Variants in BMERB1 observed in about 807,000 individuals in gnomAD.
BMERB1 encodes bMERB domain-containing protein 1.
In BMERB1, 12 loss-of-function variants were observed where a neutral mutation model predicts 23.6. The ratio of observed to expected loss-of-function variants is 0.51; its 90% CI spans 0.33 to 0.82. The LOEUF is 0.82. Ranked by LOEUF, BMERB1 falls within the 40% of genes least tolerant of loss-of-function variation. BMERB1 has a pLI of 0.03. For synonymous variants in BMERB1, 122 were observed against 96.6 expected (o/e 1.26, Z -1.54); for missense variants, 247 against 255.4 (o/e 0.97, Z 0.22).
At chr16:15,481,275 C>G (rs1368966546) in intron 1 of BMERB1, among the ~76,000 whole-genome samples, 1 of 152,048 alleles carries the variant, frequency 6.6e-6, no homozygotes, top group Non-Finnish European at 1.5e-5. Context: ...GCCTGTAATC[C>G]CAGCACTTTG....
chr16:15,467,779 T>G (rs938509450), intron 1 of BMERB1, among the ~76,000 whole-genome samples: 7 of 152,138 alleles, frequency 4.6e-5, no homozygotes, highest in African/African-American at 1.7e-4. Context: ...ATGCTCAAGG[T>G]GGTTGGGCCA....
intron 2 of BMERB1, among the ~76,000 whole-genome samples, chr16:15,535,627 C>T (rs1347527187): frequency 7.6e-6 from 1 of 132,222 alleles, no homozygotes; most frequent in Non-Finnish European, 1.5e-5. Context: ...TCCAGCCTGG[C>T]GACAGAGCAA....
At chr16:15,544,345 A>C (rs2150963943) in intron 2 of BMERB1, among the ~76,000 whole-genome samples, 1 of 152,334 alleles carries the variant, frequency 6.6e-6, no homozygotes, top group Middle Eastern at 3.4e-3. Flanking sequence ...CTTCAGCATG[A>C]TCTTAATAAT....
At chr16:15,561,259 T>TC (rs2030412386) in intron 2 of BMERB1, among the ~76,000 whole-genome samples, 1 of 103,658 alleles carries the variant, frequency 9.6e-6, no homozygotes, top group African/African-American at 5.4e-5. Context: ...GCCGGCCATT[T>TC]TTTTTTTTTT....
intron 1 of BMERB1, among the ~76,000 whole-genome samples, chr16:15,448,565 G>T (rs1223393267): frequency 6.6e-6 from 1 of 152,128 alleles, no homozygotes; most frequent in Non-Finnish European, 1.5e-5. Context: ...AGGCCCACGC[G>T]GGTGGGTCAC....
chr16:15,539,694 T>C (rs1450507781), intron 2 of BMERB1, among the ~76,000 whole-genome samples: 1 of 151,728 alleles, frequency 6.6e-6, no homozygotes, highest in Admixed American at 6.6e-5. Flanking sequence ...AATACAAAAA[T>C]TAGCTGGGCG....
intron 1 of BMERB1, among the ~76,000 whole-genome samples, chr16:15,500,070 T>A (rs1372740785): frequency 6.6e-6 from 1 of 152,206 alleles, no homozygotes; most frequent in African/African-American, 2.4e-5. Flanking sequence ...TTGCAACTTA[T>A]CACTGCCCAT....
chr16:15,582,071 T>G (rs2031028773), intron 4 of BMERB1, among the ~76,000 whole-genome samples: 1 of 152,212 alleles, frequency 6.6e-6, no homozygotes, highest in South Asian at 2.1e-4. Context: ...TTCTGGTTAA[T>G]GAGAGAAACC....
intron 2 of BMERB1, among the ~76,000 whole-genome samples, chr16:15,554,202 C>G (rs2030176864): frequency 6.6e-6 from 1 of 152,184 alleles, no homozygotes; most frequent in Non-Finnish European, 1.5e-5. Context: ...ACTCCAGTCA[C>G]TGGCTGGAGC....
At chr16:15,543,879 GT>G (rs1215686908) in intron 2 of BMERB1, among the ~76,000 whole-genome samples, 1 of 152,120 alleles carries the variant, frequency 6.6e-6, no homozygotes, top group East Asian at 1.9e-4. Context: ...CCACAAAAGA[GT>G]CTTTTGTTAT....
At chr16:15,479,363 G>T (rs2051300440) in intron 1 of BMERB1, among the ~76,000 whole-genome samples, 1 of 152,156 alleles carries the variant, frequency 6.6e-6, no homozygotes, top group Non-Finnish European at 1.5e-5. Context: ...AATCATACTT[G>T]AGCAAAAGAT....
chr16:15,587,421 G>A lies in BMERB1; in HGVS notation c.*592G>A. On this transcript the variant is annotated 3_prime_UTR_variant, in exon 6 of 6. Coordinates refer to ENST00000300006, the MANE Select transcript of BMERB1 (RefSeq NM_033201.3). ...AGATCGAGCTTGTGTGTGGTGTCGT[G>A]GTCACATCTCCCGCTTCCCCCCATC... 3.3e-6 allele frequency: 1 copy of A among 306,344 alleles called. No homozygotes were observed. The highest frequency in any genetic ancestry group is 6.9e-6 in the Non-Finnish European group (1 of 145,124). The allele number at this position is 306,344 out of a possible 1,614,324, so 19.0% of individuals were successfully genotyped here.
At chr16:15,547,076 G>A (rs1354710398) in intron 2 of BMERB1, among the ~76,000 whole-genome samples, 5 of 150,058 alleles carry the variant, frequency 3.3e-5, no homozygotes, top group Admixed American at 6.7e-5. Flanking sequence ...GCAGTGGTGC[G>A]ATCTCTGCTC....
rs960682734 is a variant in BMERB1, at chr16:15,439,905, G to A, written c.106+5146G>A. On this transcript the variant is annotated intron_variant, in intron 1 of 5. Coordinates refer to ENST00000300006, the MANE Select transcript of BMERB1 (RefSeq NM_033201.3). ...AGGATGATCAAGATTTTGGACAGGG[G>A]AAATGGAGGAGTTGGAGGCGGGAGA... is the stretch of plus-strand genomic sequence containing the variant. 2.6e-5 allele frequency among the ~76,000 whole-genome samples: 4 copies of A among 152,114 alleles called. No individual in the cohort carries two copies. The East Asian group carries it at 5.8e-4, about 22-fold the overall frequency.
intron 1 of BMERB1, among the ~76,000 whole-genome samples, chr16:15,481,420 C>T (rs946864886): frequency 1.3e-5 from 2 of 151,808 alleles, no homozygotes; most frequent in Non-Finnish European, 2.9e-5. Context: ...CCAGCTACTC[C>T]GGAGGCTGAG....
intron 1 of BMERB1, among the ~76,000 whole-genome samples, chr16:15,486,695 C>T (rs1598466180): frequency 1.3e-5 from 2 of 152,182 alleles, no homozygotes; most frequent in East Asian, 3.8e-4. Flanking sequence ...AAATTCTAAA[C>T]TATAGTGAAA....
chr16:15,525,984 C>CG (rs1338718644), intron 2 of BMERB1, among the ~76,000 whole-genome samples: 1 of 152,104 alleles, frequency 6.6e-6, no homozygotes, highest in African/African-American at 2.4e-5. Context: ...CCTGGGTCTA[C>CG]CCCTGGTTAG....
chr16:15,523,843 G>A (rs1353598944), intron 2 of BMERB1, among the ~76,000 whole-genome samples: 1 of 152,052 alleles, frequency 6.6e-6, no homozygotes, highest in Admixed American at 6.6e-5. Context: ...GCTGCTTATG[G>A]TTGTCTCCAG....
intron 1 of BMERB1, among the ~76,000 whole-genome samples, chr16:15,456,925 A>G (rs1194507711): frequency 6.6e-6 from 1 of 152,024 alleles, no homozygotes; most frequent in Non-Finnish European, 1.5e-5. Flanking sequence ...TCCTGGGTTC[A>G]AGCAATTCTC....
Sources: allele counts gnomAD v4.1 joint callset (sites outside exome capture counted in the v4.1 genomes callset), GRCh38; gene constraint gnomAD v4.1.1; transcripts MANE v1.5; gene names NCBI Gene and HGNC (gene_info 2026-07-23, HGNC 2026-07-21).